The following NRXN3 variants were observed in gnomAD, a reference collection of about 807,000 sequenced individuals.
NRXN3 encodes neurexin III.
A neutral mutation model predicts 137.6 loss-of-function variants in NRXN3; 32 were observed. The ratio of observed to expected loss-of-function variants is 0.23; its 90% CI spans 0.18 to 0.31. The LOEUF (loss-of-function observed/expected upper bound fraction) is 0.31, where lower values mean the gene tolerates loss of function less well. Among genes scored for constraint, NRXN3 ranks in the 10% least tolerant of loss-of-function variants. NRXN3 has a pLI of 1.00. For missense variants in NRXN3, 1,574 were observed against 2,062.5 expected, an observed-to-expected ratio of 0.76 and a Z score of 4.59; for synonymous variants, 798 against 784.5, an observed-to-expected ratio of 1.02 and a Z score of -0.29.
At chr14:78,992,422 C>G (rs369098604) in intron 15 of NRXN3, among the ~76,000 whole-genome samples, 14 of 152,166 alleles carry the variant, frequency 9.2e-5, no homozygotes, top group African/African-American at 3.4e-4. Flanking sequence ...TGGAACCTTA[C>G]AAAGGTTCTT....
chr14:79,190,820 A>G (rs531879972), intron 15 of NRXN3, among the ~76,000 whole-genome samples: 1 of 152,152 alleles, frequency 6.6e-6, no homozygotes, highest in Non-Finnish European at 1.5e-5. Flanking sequence ...TCACTTGAAA[A>G]CTGTTAAGAA....
intron 6 of NRXN3, among the ~76,000 whole-genome samples, chr14:78,687,290 C>T (rs905713887): frequency 3.3e-5 from 5 of 152,168 alleles, no homozygotes; most frequent in Admixed American, 6.5e-5. Context: ...TAGGAAAACC[C>T]CCCTGGCTGT....
chr14:78,620,676 C>T (rs2097395274), intron 4 of NRXN3, among the ~76,000 whole-genome samples: 1 of 152,168 alleles, frequency 6.6e-6, no homozygotes, highest in Non-Finnish European at 1.5e-5. Flanking sequence ...AATAATGATG[C>T]TGCTGCTGCT....
chr14:79,639,279 A>G lies in NRXN3; in HGVS notation c.3445-24499A>G, dbSNP rs1469736078. 2.0e-5 allele frequency among the ~76,000 whole-genome samples: 3 copies of G among 152,280 alleles called. No homozygotes were observed. The East Asian group carries it at 5.8e-4, about 29-fold the overall frequency. On this transcript the variant is annotated intron_variant, in intron 16 of 20. Transcript: ENST00000335750. The stretch of plus-strand genomic sequence containing the variant: ...TTTGATATATAGGTAAACTCATGTC[A>G]CCGGGCTTTGCTCTACAGATATTTT...
At chr14:78,810,881 A>C (rs2098908752) in intron 10 of NRXN3, among the ~76,000 whole-genome samples, 1 of 152,188 alleles carries the variant, frequency 6.6e-6, no homozygotes, top group Non-Finnish European at 1.5e-5. Flanking sequence ...GACTTGAGAC[A>C]CACTCTGTCT....
chr14:78,506,912 G>A (rs774742220), intron 4 of NRXN3, among the ~76,000 whole-genome samples: 1 of 151,916 alleles, frequency 6.6e-6, no homozygotes, highest in African/African-American at 2.4e-5. Flanking sequence ...GGCCATTTTT[G>A]TGTGTTTTTG....
chr14:78,821,845 G>T (rs1251203789), intron 10 of NRXN3, among the ~76,000 whole-genome samples: 1 of 152,112 alleles, frequency 6.6e-6, no homozygotes, highest in African/African-American at 2.4e-5. Flanking sequence ...TAACTGCTCG[G>T]TTTACTTATT....
rs370741762 is a variant in NRXN3 at position 78,315,567 on chromosome 14, G to A, written c.757+17707G>A. Among the ~76,000 whole-genome samples the A allele has an allele frequency of 1.1e-4, 17 of 152,292 alleles. No homozygotes were observed. The East Asian group carries it at 1.7e-3, about 16-fold the overall frequency. ...ATTTTAAATATTTAAAACAAGCTGC[G>A]TTTATGTATACCAAATCTATTTGTT... On this transcript the variant is annotated intron_variant, in intron 4 of 20. Coordinates refer to ENST00000335750, the MANE Select transcript of NRXN3 (RefSeq NM_001330195.2).
intron 15 of NRXN3, among the ~76,000 whole-genome samples, chr14:79,143,471 G>T (rs1875877335): frequency 6.6e-6 from 1 of 152,178 alleles, no homozygotes; most frequent in Non-Finnish European, 1.5e-5. Flanking sequence ...CTTTGGTGGG[G>T]AACTGTCCCA....
At chr14:78,598,227 T>C (rs1163029225) in intron 4 of NRXN3, among the ~76,000 whole-genome samples, 1 of 152,132 alleles carries the variant, frequency 6.6e-6, no homozygotes, top group Non-Finnish European at 1.5e-5. Flanking sequence ...TGCCCTCTAG[T>C]GGCTAGAATG....
At chr14:78,297,741 A>G in intron 3 of NRXN3, 90 bp from the exon 4 acceptor site, 2 of 973,266 alleles carry the variant, frequency 2.1e-6, no homozygotes, top group Non-Finnish European at 3.1e-6. Flanking sequence ...TTAAGATTGT[A>G]TTGCATTTGG....
At chr14:79,080,862 G>A (rs1038597921) in intron 15 of NRXN3, among the ~76,000 whole-genome samples, 3 of 152,126 alleles carry the variant, frequency 2.0e-5, no homozygotes, top group African/African-American at 7.2e-5. Flanking sequence ...TTTCCTGATT[G>A]ATGAAGATTT....
chr14:79,502,042 G>A (rs1436613987), intron 16 of NRXN3, among the ~76,000 whole-genome samples: 3 of 152,210 alleles, frequency 2.0e-5, no homozygotes, highest in African/African-American at 7.2e-5. Flanking sequence ...AAAGAAGTCT[G>A]TGAAGGCAAG....
intron 19 of NRXN3, among the ~76,000 whole-genome samples, chr14:79,731,815 TA>T (rs1184614671): frequency 1.3e-5 from 2 of 151,800 alleles, no homozygotes; most frequent in Admixed American, 1.3e-4. Context: ...TAGAATTTTT[TA>T]TTTTTTATTT....
At chr14:78,942,807 A>G (rs970598617) in intron 10 of NRXN3, among the ~76,000 whole-genome samples, 9 of 152,216 alleles carry the variant, frequency 5.9e-5, no homozygotes, top group Admixed American at 3.9e-4. Context: ...ATTTGAGATG[A>G]TGGATATGCT....
chr14:79,457,991 T>A (rs774463694), intron 15 of NRXN3, among the ~76,000 whole-genome samples: 5 of 152,176 alleles, frequency 3.3e-5, no homozygotes, highest in Non-Finnish European at 1.5e-5. Context: ...ATTACTTTTG[T>A]TTTTCCTTTA....
chr14:78,358,365 ACACAGCAACAAAGTTGTGGAACCAGGATT>A (rs2084636293), intron 4 of NRXN3, among the ~76,000 whole-genome samples: 1 of 152,208 alleles, frequency 6.6e-6, no homozygotes, highest in African/African-American at 2.4e-5. Flanking sequence ...CAGAGTGGTT[ACACAGCAACAAAGTTGTGGAACCAGGATT>A]CTAACCCATG....
intron 4 of NRXN3, among the ~76,000 whole-genome samples, chr14:78,379,059 G>T (rs138770239): frequency 6.6e-5 from 10 of 151,308 alleles, no homozygotes; most frequent in African/African-American, 7.3e-5. Context: ...AAAATCTACC[G>T]CAACTTGGTA....
intron 15 of NRXN3, among the ~76,000 whole-genome samples, chr14:79,429,925 A>G (rs546478918): frequency 6.6e-6 from 1 of 152,092 alleles, no homozygotes; most frequent in African/African-American, 2.4e-5. Flanking sequence ...TAAGGCTACA[A>G]TGCATTCAGG....
Sources: allele counts gnomAD v4.1 joint callset (sites outside exome capture counted in the v4.1 genomes callset), GRCh38; gene constraint gnomAD v4.1.1; transcripts MANE v1.5; gene names NCBI Gene and HGNC (gene_info 2026-07-23, HGNC 2026-07-21).